Variants in TBCEL observed in about 807,000 individuals in gnomAD.
The protein encoded by TBCEL is tubulin-specific chaperone cofactor E-like protein.
A neutral mutation model predicts 44.2 loss-of-function variants in TBCEL; 15 were observed. The observed-to-expected ratio is 0.34, with a 90% CI of 0.23 to 0.52. The LOEUF is 0.52. Among genes scored for constraint, TBCEL ranks in the 20% least tolerant of loss-of-function variants. The pLI is 0.95. For missense variants in TBCEL, 319 were observed against 506.3 expected (o/e 0.63, Z 3.55); for synonymous variants, 171 against 185.4 (o/e 0.92, Z 0.63).
At chr11:121,065,590 G>A (rs1455207354) in intron 8 of TBCEL, among the ~76,000 whole-genome samples, 16 of 152,130 alleles carry the variant, frequency 1.1e-4, no homozygotes, top group Admixed American at 1.0e-3. Flanking sequence ...ATTTTTGTAA[G>A]AGAAAAAAGA....
At chr11:121,027,988 CT>C (rs1292659590) in intron 1 of TBCEL, among the ~76,000 whole-genome samples, 1 of 152,016 alleles carries the variant, frequency 6.6e-6, no homozygotes, top group African/African-American at 2.4e-5. Context: ...AGGAGGATCG[CT>C]TGAATCCAGG....
At chr11:121,082,373 C>A (rs1946141411) in intron 8 of TBCEL, among the ~76,000 whole-genome samples, 1 of 152,192 alleles carries the variant, frequency 6.6e-6, no homozygotes, top group African/African-American at 2.4e-5. Context: ...CATCTTCAAA[C>A]CAGCAATGGT....
In TBCEL at chr11:121,060,696, G is replaced by A. The variant is rs7935033; in HGVS notation, c.956+611G>A. On this transcript the variant is annotated intron_variant, in intron 8 of 8. Transcript: ENST00000683345. ...ATGTAAAAGGAAATGTAGCAGGTAT[G>A]ATATAGGCAAACATTCAAGAAAAAA... is the stretch of plus-strand genomic sequence containing the variant. Among the ~76,000 whole-genome samples, 479 of 151,896 alleles carry A rather than the reference G, an allele frequency of 3.2e-3. 1 individual carries two copies. Among genetic ancestry groups the A allele is most frequent in the African/African-American group, 0.011 (451 of 41,504 alleles).
At position 121,060,104 on chromosome 11, in the gene TBCEL, G is replaced by T; in HGVS notation, c.956+19G>T. 1 of 1,573,440 alleles carries T rather than the reference G, an allele frequency of 6.4e-7. No homozygotes were observed. The highest frequency in any genetic ancestry group is 1.1e-5 in the South Asian group (1 of 89,766). Reference sequence around the variant, plus strand: ...CATTCAGGTAAAAAATTCCCCATTGGCCAAACACTTTAGAGGGTGGTGATG... The same window carrying T: ...CATTCAGGTAAAAAATTCCCCATTGTCCAAACACTTTAGAGGGTGGTGATG... On this transcript the variant is annotated intron_variant, in intron 8 of 8. Coordinates refer to ENST00000683345, the MANE Select transcript of TBCEL (RefSeq NM_001363644.2).
rs542153317 is a variant in TBCEL at position 121,031,998 on chromosome 11, T to A, written c.-125-4507T>A. Among the ~76,000 whole-genome samples the A allele has an allele frequency of 3.3e-5, 5 of 152,354 alleles. No individual in the cohort carries two copies. In the South Asian group the frequency reaches 8.3e-4, roughly 25 times the overall value. On this transcript the variant is annotated intron_variant, in intron 1 of 8. Transcript: ENST00000683345. The stretch of plus-strand genomic sequence containing the variant: ...TGCTTAACTTTATTTTTATGGATTT[T>A]AAAAATGTTTTCTTTATGAAATATT...
chr11:121,086,620 C>T (rs1466368388), intron 8 of TBCEL, among the ~76,000 whole-genome samples, 158 bp from the exon 9 acceptor site: 6 of 152,156 alleles, frequency 3.9e-5, no homozygotes, highest in South Asian at 2.1e-4. Flanking sequence ...CTCCCTAGGG[C>T]ACTCATATTA....
chr11:121,054,542 C>T lies in TBCEL; in HGVS notation c.456-510C>T, dbSNP rs189890193. Among the ~76,000 whole-genome samples the T allele has an allele frequency of 4.7e-3, 715 of 151,942 alleles. 5 individuals are homozygous for T. Among genetic ancestry groups the T allele is most frequent in the Middle Eastern group, 0.017 (5 of 292 alleles). On this transcript the variant is annotated intron_variant, in intron 5 of 8. Coordinates refer to ENST00000683345, the MANE Select transcript of TBCEL (RefSeq NM_001363644.2). ...AAATGGGCATAATTGCATTTACCTG[C>T]AGAAGTAGGACTAAAATCTATAATA...
At chr11:121,056,637 C>G (rs1176691720) in intron 6 of TBCEL, among the ~76,000 whole-genome samples, 3 of 151,812 alleles carry the variant, frequency 2.0e-5, no homozygotes, top group African/African-American at 7.2e-5. Flanking sequence ...ACATCCTTAC[C>G]AGAGTTTGAT....
In TBCEL at chr11:121,047,678, T is replaced by A; in HGVS notation, c.273+11T>A. On this transcript the variant is annotated intron_variant, in intron 4 of 8. Transcript: ENST00000683345. ...GAAGACTGGCATGAGGTGAAGTTTT[T>A]ATATTGCTACATTTTAGTGAAAAGC... 6.2e-7 allele frequency: 1 copy of A among 1,611,784 alleles called. No homozygotes were observed. Among genetic ancestry groups the A allele is most frequent in the Non-Finnish European group, 8.5e-7 (1 of 1,178,658 alleles).
Position 121,045,659 on chromosome 11 carries a change from C to G in TBCEL, c.-17-15C>G. ...ACATAATTACATAATTTGATTATTT[C>G]TTGGTTTCTTGTAGCATTTTAAGAA... On this transcript the variant is annotated splice_polypyrimidine_tract_variant and intron_variant, in intron 2 of 8. Coordinates refer to ENST00000683345, the MANE Select transcript of TBCEL (RefSeq NM_001363644.2). The G allele has an allele frequency of 6.5e-7, 1 of 1,538,684 alleles. No individual in the cohort carries two copies. Among genetic ancestry groups the G allele is most frequent in the South Asian group, 1.3e-5 (1 of 78,120 alleles).
rs144914462 is a variant in TBCEL, at chr11:121,086,571, C to T, written c.957-207C>T. Among the ~76,000 whole-genome samples, 385 of 152,294 alleles carry T rather than the reference C, an allele frequency of 2.5e-3. 1 individual carries two copies. Among genetic ancestry groups the T allele is most frequent in the African/African-American group, 3.6e-3 (151 of 41,560 alleles). ...AATTGATTAACAGTAGGCATAGTGA[C>T]CATCTTCAGGAAAAATGATTCCCCA... On this transcript the variant is annotated intron_variant, in intron 8 of 8. Transcript: ENST00000683345.
chr11:121,069,564 G>A (rs1945886413), intron 8 of TBCEL, among the ~76,000 whole-genome samples: 1 of 152,210 alleles, frequency 6.6e-6, no homozygotes, highest in Non-Finnish European at 1.5e-5. Flanking sequence ...GCCGAGGTGG[G>A]TGGATCACTT....
intron 1 of TBCEL, among the ~76,000 whole-genome samples, chr11:121,032,122 G>A (rs1945157100): frequency 6.6e-6 from 1 of 152,148 alleles, no homozygotes; most frequent in Non-Finnish European, 1.5e-5. Context: ...ATGTGGAGGT[G>A]AATTTTTTGG....
At chr11:121,045,948 T>A (rs771015439) in intron 3 of TBCEL, 125 bp downstream of exon 3, 1 of 1,114,888 alleles carries the variant, frequency 9.0e-7, no homozygotes, top group Non-Finnish European at 1.2e-6. Context: ...CTTTCCCCCT[T>A]GTTATGATTT....
chr11:121,069,584 A>T (rs1945886881), intron 8 of TBCEL, among the ~76,000 whole-genome samples: 1 of 152,132 alleles, frequency 6.6e-6, no homozygotes, highest in African/African-American at 2.4e-5. Flanking sequence ...TGAAGTTAGG[A>T]GTTCGAGACC....
intron 8 of TBCEL, among the ~76,000 whole-genome samples, chr11:121,066,763 T>C (rs1945828680): frequency 6.6e-6 from 1 of 152,184 alleles, no homozygotes. Context: ...TCTTCCAAAT[T>C]ATATCCATAA....
In TBCEL at chr11:121,086,968, A is replaced by G; in HGVS notation, c.1147A>G (p.Met383Val). 6.2e-7 allele frequency: 1 copy of G among 1,614,074 alleles called. No individual in the cohort carries two copies. Among genetic ancestry groups the G allele is most frequent in the Non-Finnish European group, 8.5e-7 (1 of 1,179,988 alleles). ...TCTAGTACAATTACCCACAAGCAAC[A>G]TGCTTCTCTACTATTTTGACCATGA... The part of the protein sequence containing the change: ...KTLVQLPTSN[M>V]LLYYFDHEAP... Residue 383 changes from methionine (M) to valine (V), a missense_variant, in exon 9 of 9, where the codon ATG becomes GTG. By Grantham distance (21) the Met-to-Val change is conservative. Transcript: ENST00000683345.
At chr11:121,063,174 T>C (rs1246959354) in intron 8 of TBCEL, among the ~76,000 whole-genome samples, 2 of 152,254 alleles carry the variant, frequency 1.3e-5, no homozygotes, top group Middle Eastern at 3.4e-3. Context: ...TCTCAAGATA[T>C]AGGGAGGTGG....
At chr11:121,049,036 C>A (rs1052667360) in intron 4 of TBCEL, among the ~76,000 whole-genome samples, 11 of 151,864 alleles carry the variant, frequency 7.2e-5, no homozygotes, top group African/African-American at 2.7e-4. Flanking sequence ...TAATGACTTG[C>A]TTACTTGACA....
Sources: gnomAD v4.1 joint callset for allele counts (sites outside exome capture counted in the v4.1 genomes callset) on GRCh38, gnomAD v4.1.1 for gene constraint, MANE v1.5 for transcripts, NCBI Gene and HGNC (gene_info 2026-07-23, HGNC 2026-07-21) for gene names.